The following CYP1A1 variants were observed in gnomAD, a reference collection of about 807,000 sequenced individuals.
CYP1A1 encodes the protein cytochrome P450 family 1 subfamily A member 1.
A neutral mutation model predicts 33.6 loss-of-function variants in CYP1A1; 43 were observed. The observed-to-expected ratio is 1.28, with a 90% CI of 1.00 to 1.65. The LOEUF is 1.65. CYP1A1 is among the 40% of genes most tolerant of loss of function. CYP1A1 has a pLI of 0.00. For missense variants in CYP1A1, 637 were observed against 653.7 expected, an observed-to-expected ratio of 0.97 and a Z score of 0.28; for synonymous variants, 280 against 257.8, an observed-to-expected ratio of 1.09 and a Z score of -0.83.
chr15:74,720,646 G>A lies in CYP1A1; in HGVS notation c.1382C>T (p.Thr461Ile), dbSNP rs1799814. The A allele has an allele frequency of 5.6e-6, 9 of 1,614,018 alleles. No homozygotes were observed. Among genetic ancestry groups the A allele is most frequent in the African/African-American group, 5.3e-5 (4 of 74,906 alleles). The change falls in exon 7 of 7, where the codon ACC becomes ATC. Residue 461 changes from threonine (T) to isoleucine (I), a missense_variant. Coordinates refer to ENST00000379727, the MANE Select transcript of CYP1A1 (RefSeq NM_001319217.2). ...GAGAAAGACCTCCCAGCGGGCAATG[G>A]TCTCACCGATACACTTCCGCTTGCC... ...GMGKRKCIGETIARWEVFLFL... is the reference protein window; with the variant it reads ...GMGKRKCIGEIIARWEVFLFL...
rs1198919922 is a variant in CYP1A1 at position 74,725,446 on chromosome 15, G to T, written c.-35C>A. 1 of 152,220 alleles carries T rather than the reference G, an allele frequency of 6.6e-6. No individual in the cohort carries two copies. The highest frequency in any genetic ancestry group is 1.5e-5 in the Non-Finnish European group (1 of 68,150). The allele number at this position is 152,220 out of a possible 1,614,324, so 9.4% of individuals were successfully genotyped here. Reference sequence around the variant, plus strand: ...GAAGTCCCCCAGCAACTCACCTGAGGTACTGAGCTGAGCTGGGAAGGGTGG... The same window carrying T: ...GAAGTCCCCCAGCAACTCACCTGAGTTACTGAGCTGAGCTGGGAAGGGTGG... On this transcript the variant is annotated 5_prime_UTR_variant, in exon 1 of 7. Transcript: ENST00000379727.
In CYP1A1 at chr15:74,720,268, G is replaced by A. The variant is rs894697873; in HGVS notation, c.*221C>T. 1 of 449,944 alleles carries A rather than the reference G, an allele frequency of 2.2e-6. No homozygotes were observed. Among genetic ancestry groups the A allele is most frequent in the Admixed American group, 4.0e-5 (1 of 25,116 alleles). 27.9% of individuals were successfully genotyped at this position (449,944 alleles called of 1,614,324 possible). ...GGAAGGCTCCATCAGCATCTATGTGGCCCTGTTTTACCTGTTGTCTCTGGA... is the reference window on the plus strand; with the variant it reads ...GGAAGGCTCCATCAGCATCTATGTGACCCTGTTTTACCTGTTGTCTCTGGA... On this transcript the variant is annotated 3_prime_UTR_variant, in exon 7 of 7. Transcript: ENST00000379727.
rs45460597 is a variant in CYP1A1 at position 74,720,555 on chromosome 15, G to A, written c.1473C>T (p.Thr491=). The change falls in exon 7 of 7, where the codon ACC becomes ACT. Residue 491 remains threonine, a synonymous_variant. Transcript: ENST00000379727. ...SVPLGVKVDM[T]PIYGLTMKHA... ...GCTTCATGGTTAGCCCATAGATGGG[G>A]GTCATGTCCACCTTCACGCCCAGTG... 1,445 of 1,611,196 alleles carry A rather than the reference G, an allele frequency of 9.0e-4. 25 individuals carry two copies. In the Admixed American group the frequency reaches 0.024, roughly 26 times the overall value.
rs1480186984 is a variant in CYP1A1, at chr15:74,721,264, A to G, written c.1101T>C (p.Tyr367=). 1 of 1,613,832 alleles carries G rather than the reference A, an allele frequency of 6.2e-7. No individual in the cohort carries two copies. The highest frequency in any genetic ancestry group is 1.3e-5 in the African/African-American group (1 of 74,968). ...PRLSDRSHLP[Y]MEAFILETFR... Reference sequence around the variant, plus strand: ...AGGTCTCCAGGATGAAGGCCTCCATATAGGGCAGATGGGATCTGTCAGAGA... The same window carrying G: ...AGGTCTCCAGGATGAAGGCCTCCATGTAGGGCAGATGGGATCTGTCAGAGA... The change falls in exon 5 of 7, where the codon TAT becomes TAC. Residue 367 remains tyrosine (Y), a synonymous_variant. Transcript: ENST00000379727.
In CYP1A1 at chr15:74,721,039, G is replaced by C. The variant is rs779123202; in HGVS notation, c.1181C>G (p.Thr394Arg). 4.6e-5 allele frequency: 74 copies of C among 1,614,050 alleles called. No individual in the cohort carries two copies. In the Admixed American group the frequency reaches 1.2e-3, roughly 26 times the overall value. Reference protein sequence around the residue: ...FTIPHSTTRDTSLKGFYIPKG... With the variant: ...FTIPHSTTRDRSLKGFYIPKG... ...GGGGATGTAAAAGCCTTTCAAACTT[G>C]TGTCTCTTGTTGTGCTAGGGAGAAA... Residue 394 changes from threonine to arginine, a missense_variant, in exon 6 of 7, where the codon ACA (threonine) becomes AGA (arginine). By Grantham distance (71) the Thr-to-Arg change is moderately conservative. Transcript: ENST00000379727.
At position 74,721,655 on chromosome 15, in the gene CYP1A1, C is replaced by T; in HGVS notation, c.888G>A (p.Glu296=). The change falls in exon 3 of 7, where the codon GAG becomes GAA. Residue 296 remains glutamate (E), a synonymous_variant. Transcript: ENST00000379727. ...CATCTGACAGCTGGACATTGGCGTTCTCATCCAGCTGCTTCTCCTGACAGT... is the reference window on the plus strand; with the variant it reads ...CATCTGACAGCTGGACATTGGCGTTTTCATCCAGCTGCTTCTCCTGACAGT... ...IEHCQEKQLD[E]NANVQLSDEK... The T allele has an allele frequency of 1.2e-6, 2 of 1,614,114 alleles. No homozygotes were observed. The highest frequency in any genetic ancestry group is 1.7e-6 in the Non-Finnish European group (2 of 1,180,032).
At position 74,721,021 on chromosome 15, in the gene CYP1A1, TA is replaced by T; in HGVS notation, c.1198del (p.Tyr400ThrfsTer10). The T allele has an allele frequency of 1.9e-6, 3 of 1,614,196 alleles. No homozygotes were observed. The highest frequency in any genetic ancestry group is 2.5e-6 in the Non-Finnish European group (3 of 1,180,024). On this transcript the variant is annotated frameshift_variant, in exon 6 of 7. Transcript: ENST00000379727. LOFTEE classifies it high-confidence loss of function. ...TTRDTSLKGF[Y>X]IPKGRCVFVN... ...AAAGACACAACGCCCCTTGGGGATGTAAAAGCCTTTCAAACTTGTGTCTCTT... is the reference window on the plus strand; with the variant it reads ...AAAGACACAACGCCCCTTGGGGATGTAAAGCCTTTCAAACTTGTGTCTCTT...
chr15:74,722,247 C>A, intron 2 of CYP1A1, 26 bp downstream of exon 2: 2 of 1,586,038 alleles, frequency 1.3e-6, no homozygotes, highest in African/African-American at 1.3e-5. Context: ...CTTCCCACCA[C>A]CCACCTGCCT....
Position 74,722,282 on chromosome 15 carries a change from G to A in CYP1A1, c.816C>T (p.Thr272=), listed in dbSNP as rs753707799. The stretch of plus-strand genomic sequence containing the variant: ...TTTCCCCAGACTGTACCTTCTCAAA[G>A]GTTTTGTAGTGCTCCTTGACCATCT... ...MQKMVKEHYK[T]FEKGHIRDIT... The change falls in exon 2 of 7, where the codon ACC becomes ACT. Residue 272 remains threonine (T), a synonymous_variant. Transcript: ENST00000379727. 4.3e-6 allele frequency: 7 copies of A among 1,609,414 alleles called. No homozygotes were observed. The highest frequency in any genetic ancestry group is 1.7e-4 in the Middle Eastern group (1 of 6,050).
chr15:74,722,540 G>C lies in CYP1A1; in HGVS notation c.558C>G (p.Pro186=), dbSNP rs780882190. The C allele has an allele frequency of 1.3e-5, 21 of 1,613,910 alleles. 1 individual carries two copies. In the South Asian group the frequency reaches 2.3e-4, roughly 18 times the overall value. The part of the protein sequence containing the change: ...ELMAGPGHFN[P]YRYVVVSVTN... ...TCACTGATACCACCACATACCTGTA[G>C]GGGTTAAAGTGCCCAGGCCCTGCCA... Residue 186 remains proline (P), a synonymous_variant, in exon 2 of 7, where the codon CCC becomes CCG. Coordinates refer to ENST00000379727, the MANE Select transcript of CYP1A1 (RefSeq NM_001319217.2).
rs1359674228 is a variant in CYP1A1 at position 74,719,686 on chromosome 15, TAGA to T, written c.*800_*802del. 1.3e-5 allele frequency: 2 copies of T among 152,142 alleles called. No individual in the cohort carries two copies. The highest frequency in any genetic ancestry group is 6.5e-5 in the Admixed American group (1 of 15,274). 9.4% of individuals were successfully genotyped at this position (152,142 alleles called of 1,614,324 possible). On this transcript the variant is annotated 3_prime_UTR_variant, in exon 7 of 7. Transcript: ENST00000379727. ...CATGCAAGCTCAATGCAGGCTAGAA[TAGA>T]AGGATTGTTGTGTACAAACATTAAA...
chr15:74,722,783 G>T lies in CYP1A1; in HGVS notation c.315C>A (p.Gly105=), dbSNP rs745879982. 486 of 1,579,480 alleles carry T rather than the reference G, an allele frequency of 3.1e-4. 6 individuals carry two copies. The Middle Eastern group carries it at 8.6e-3, about 28-fold the overall frequency. ...GGGTGAAGGTGTAGAGGTCGGGCCGGCCCTTGAAATCATCGCCCTGCCGCA... is the reference window on the plus strand; with the variant it reads ...GGGTGAAGGTGTAGAGGTCGGGCCGTCCCTTGAAATCATCGCCCTGCCGCA... ...ALVRQGDDFK[G]RPDLYTFTLI... is the part of the protein sequence containing the mutation. The change falls in exon 2 of 7, where the codon GGC becomes GGA. Residue 105 remains glycine (G), a synonymous_variant. Coordinates refer to ENST00000379727, the MANE Select transcript of CYP1A1 (RefSeq NM_001319217.2).
At chr15:74,722,207 C>T (rs954272416) in intron 2 of CYP1A1, 66 bp downstream of exon 2, 43 of 1,398,132 alleles carry the variant, frequency 3.1e-5, no homozygotes, top group Admixed American at 9.4e-5. Context: ...TTCCTCTTAC[C>T]TTTGACCTCC....
chr15:74,721,016 GGATGTAAAA>G lies in CYP1A1; in HGVS notation c.1195_1203del (p.Phe399_Ile401del). On this transcript the variant is annotated inframe_deletion, in exon 6 of 7. Transcript: ENST00000379727. ...TTTACAAAGACACAACGCCCCTTGG[GGATGTAAAA>G]GCCTTTCAAACTTGTGTCTCTTGTT... is the stretch of plus-strand genomic sequence containing the variant. 1 of 1,614,164 alleles carries G rather than the reference GGATGTAAAA, an allele frequency of 6.2e-7. No individual in the cohort carries two copies.
chr15:74,722,954 C>T lies in CYP1A1; in HGVS notation c.144G>A (p.Leu48=), dbSNP rs1213864306. The T allele has an allele frequency of 6.2e-7, 1 of 1,614,196 alleles. No individual in the cohort carries two copies. ...KNPPGPWGWP[L]IGHMLTLGKN... The stretch of plus-strand genomic sequence containing the variant: ...TTCCCAGGGTCAGCATGTGCCCAAT[C>T]AGAGGCCAGCCCCATGGCCCTGGTG... Residue 48 remains leucine (L), a synonymous_variant, in exon 2 of 7, where the codon CTG becomes CTA. Coordinates refer to ENST00000379727, the MANE Select transcript of CYP1A1 (RefSeq NM_001319217.2).
In CYP1A1 at chr15:74,720,283, T is replaced by C. The variant is rs2063156856; in HGVS notation, c.*206A>G. 3 of 476,290 alleles carry C rather than the reference T, an allele frequency of 6.3e-6. No individual in the cohort carries two copies. Among genetic ancestry groups the C allele is most frequent in the Non-Finnish European group, 1.1e-5 (3 of 278,124 alleles). 29.5% of individuals were successfully genotyped at this position (476,290 alleles called of 1,614,324 possible). On this transcript the variant is annotated 3_prime_UTR_variant, in exon 7 of 7. Transcript: ENST00000379727. ...CATCTATGTGGCCCTGTTTTACCTG[T>C]TGTCTCTGGAGGGTGTGCAGAGGCA... is the stretch of plus-strand genomic sequence containing the variant.
Position 74,721,034 on chromosome 15 carries a change from A to T in CYP1A1, c.1186T>A (p.Leu396Met). The part of the protein sequence containing the change: ...IPHSTTRDTS[L>M]KGFYIPKGRC... ...CCCTTGGGGATGTAAAAGCCTTTCA[A>T]ACTTGTGTCTCTTGTTGTGCTAGGG... The change falls in exon 6 of 7, where the codon TTG becomes ATG. Residue 396 changes from leucine to methionine, a missense_variant. Transcript: ENST00000379727. 2.5e-6 allele frequency: 4 copies of T among 1,614,208 alleles called. No individual in the cohort carries two copies. The highest frequency in any genetic ancestry group is 1.1e-5 in the South Asian group (1 of 91,086).
chr15:74,722,785 C>T lies in CYP1A1; in HGVS notation c.313G>A (p.Gly105Ser). The T allele has an allele frequency of 6.2e-7, 1 of 1,611,252 alleles. No individual in the cohort carries two copies. Among genetic ancestry groups the T allele is most frequent in the Admixed American group, 1.7e-5 (1 of 59,776 alleles). Reference protein sequence around the residue: ...ALVRQGDDFKGRPDLYTFTLI... With the variant: ...ALVRQGDDFKSRPDLYTFTLI... ...GTGAAGGTGTAGAGGTCGGGCCGGC[C>T]CTTGAAATCATCGCCCTGCCGCACC... Residue 105 changes from glycine to serine, a missense_variant, in exon 2 of 7, where the codon GGC becomes AGC. Gly to Ser is a moderately conservative substitution (Grantham distance 56, BLOSUM62 0). Coordinates refer to ENST00000379727, the MANE Select transcript of CYP1A1 (RefSeq NM_001319217.2).
rs373858916 is a variant in CYP1A1 at position 74,722,425 on chromosome 15, C to A, written c.673G>T (p.Gly225Trp). The A allele has an allele frequency of 1.1e-5, 18 of 1,613,690 alleles. No homozygotes were observed. Among genetic ancestry groups the A allele is most frequent in the Non-Finnish European group, 1.4e-5 (16 of 1,180,010 alleles). The change falls in exon 2 of 7, where the codon GGG becomes TGG. Residue 225 changes from glycine to tryptophan, a missense_variant. By Grantham distance (184) the Gly-to-Trp change is radical. Transcript: ENST00000379727. ...GGGTTTCCAGAGCCAACCACCTCCC[C>A]GAAATTATTATTCAGGTTGACTAGG... is the stretch of plus-strand genomic sequence containing the variant. ...LSLVNLNNNFGEVVGSGNPAD... is the reference protein window; with the variant it reads ...LSLVNLNNNFWEVVGSGNPAD...
Sources: gnomAD v4.1 joint callset for allele counts on GRCh38, gnomAD v4.1.1 for gene constraint, MANE v1.5 for transcripts, NCBI Gene and HGNC (gene_info 2026-07-23, HGNC 2026-07-21) for gene names.